Variants in SLC9A7 observed in about 807,000 individuals in gnomAD.
SLC9A7 encodes the protein sodium/hydrogen exchanger 7.
Under a neutral mutation model 52.6 loss-of-function variants are expected in SLC9A7, and 19 were observed. The ratio of observed to expected loss-of-function variants is 0.36; its 90% CI spans 0.25 to 0.53. The LOEUF is 0.53. Ranked by LOEUF, SLC9A7 falls within the 20% of genes least tolerant of loss-of-function variation. The pLI is 0.91. For synonymous variants in SLC9A7, 226 were observed against 252.1 expected (o/e 0.90, Z 0.98); for missense variants, 455 against 597.9 (o/e 0.76, Z 2.49).
intron 2 of SLC9A7, among the ~76,000 whole-genome samples, chrX:46,681,843 T>C (rs1046141203): frequency 2.7e-5 from 3 of 112,548 alleles, no homozygotes; most frequent in Non-Finnish European, 5.6e-5. Context: ...TGAAGATTCA[T>C]TAAGCCTCTG....
chrX:46,726,382 G>A (rs1944946359), intron 1 of SLC9A7, among the ~76,000 whole-genome samples: 1 of 111,997 alleles, frequency 8.9e-6, no homozygotes, highest in Non-Finnish European at 1.9e-5. Flanking sequence ...AAGAGCCCTT[G>A]GCCCCATTCA....
intron 1 of SLC9A7, among the ~76,000 whole-genome samples, chrX:46,705,934 C>T (rs1413937941): frequency 9.1e-6 from 1 of 110,476 alleles, no homozygotes; most frequent in Non-Finnish European, 1.9e-5. Context: ...ACAAATAGAT[C>T]CCAAAATGCT....
rs1172835741 is a variant in SLC9A7 at position 46,648,632 on chromosome X, ATTCTTGT to A, written c.1462+47_1462+53del. 8 of 910,915 alleles carry A rather than the reference ATTCTTGT, an allele frequency of 8.8e-6. No individual in the cohort carries two copies. The Admixed American group carries it at 1.4e-4, about 16-fold the overall frequency. The allele number at this position is 910,915 out of a possible 1,213,427, so 75.1% of individuals were successfully genotyped here. ...ACCTTATCAATTACATTTTAATCAT[ATTCTTGT>A]TACCTGCTGAATAAAACTCATTTTC... is the stretch of plus-strand genomic sequence containing the variant. On this transcript the variant is annotated intron_variant, in intron 11 of 16. Transcript: ENST00000616978.
rs1942671602 is a variant in SLC9A7, at chrX:46,602,250, T to C, written c.*4702A>G. 1 of 111,954 alleles carries C rather than the reference T, an allele frequency of 8.9e-6. No homozygotes were observed. The highest frequency in any genetic ancestry group is 3.3e-5 in the African/African-American group (1 of 30,757). The allele number at this position is 111,954 out of a possible 1,213,427, so 9.2% of individuals were successfully genotyped here. ...TTTCGTGATCTTTTCAGCTGTACTT[T>C]ATGGAGTATGTTCTTGAGTTCTGCA... On this transcript the variant is annotated 3_prime_UTR_variant, in exon 17 of 17. Transcript: ENST00000616978.
At chrX:46,654,216 C>T (rs1171661040) in intron 7 of SLC9A7, among the ~76,000 whole-genome samples, 2 of 110,278 alleles carry the variant, frequency 1.8e-5, no homozygotes, top group African/African-American at 6.6e-5. Flanking sequence ...ATACTGAAAC[C>T]CTGTCTCTAC....
intron 15 of SLC9A7, among the ~76,000 whole-genome samples, chrX:46,615,233 G>C (rs757471512): frequency 3.6e-5 from 4 of 112,086 alleles, no homozygotes; most frequent in African/African-American, 9.7e-5. Context: ...AGTAGAGACA[G>C]GGTTTCACCA....
At chrX:46,691,860 T>C (rs1350707240) in intron 1 of SLC9A7, among the ~76,000 whole-genome samples, 2 of 111,341 alleles carry the variant, frequency 1.8e-5, no homozygotes, top group Non-Finnish European at 3.8e-5. Flanking sequence ...AAATGAGCAC[T>C]TCTACAGCAA....
intron 7 of SLC9A7, among the ~76,000 whole-genome samples, chrX:46,658,452 T>C (rs1458112860): frequency 9.1e-6 from 1 of 109,459 alleles, no homozygotes; most frequent in Non-Finnish European, 1.9e-5. Flanking sequence ...TTTGAAAGGA[T>C]CAACAAAATT....
rs888229487 is a variant in SLC9A7 at position 46,599,265 on chromosome X, CTT to C, written c.*7685_*7686del. ...AATGAGCCTAGTCATGCCAATAAAA[CTT>C]TATTTACAAAAAAAGGCAGTGGGCT... is the stretch of plus-strand genomic sequence containing the variant. On this transcript the variant is annotated 3_prime_UTR_variant, in exon 17 of 17. Transcript: ENST00000616978. 9.0e-6 allele frequency: 1 copy of C among 110,948 alleles called. No individual in the cohort carries two copies. Among genetic ancestry groups the C allele is most frequent in the African/African-American group, 3.3e-5 (1 of 30,467 alleles). 9.1% of individuals were successfully genotyped at this position (110,948 alleles called of 1,213,427 possible).
At chrX:46,682,791 T>C (rs949561352) in intron 1 of SLC9A7, among the ~76,000 whole-genome samples, 6 of 109,050 alleles carry the variant, frequency 5.5e-5, no homozygotes, top group African/African-American at 2.0e-4. Flanking sequence ...ATTATGACAC[T>C]GTGAGCACTT....
At chrX:46,732,369 T>C (rs928007071) in intron 1 of SLC9A7, among the ~76,000 whole-genome samples, 1 of 110,024 alleles carries the variant, frequency 9.1e-6, no homozygotes, top group East Asian at 2.8e-4. Flanking sequence ...CTGGCCAACA[T>C]GGTAAAACCC....
At chrX:46,618,528 T>C (rs1942989422) in intron 15 of SLC9A7, among the ~76,000 whole-genome samples, 1 of 111,660 alleles carries the variant, frequency 9.0e-6, no homozygotes, top group Non-Finnish European at 1.9e-5. Context: ...TTCTAGAAGA[T>C]AACATAGGAA....
chrX:46,697,001 G>A (rs1944457680), intron 1 of SLC9A7, among the ~76,000 whole-genome samples: 1 of 111,771 alleles, frequency 8.9e-6, no homozygotes, highest in Non-Finnish European at 1.9e-5. Context: ...CACCCCAACC[G>A]TCTTTCGCCT....
chrX:46,697,858 T>A (rs909612564), intron 1 of SLC9A7, among the ~76,000 whole-genome samples: 1 of 112,007 alleles, frequency 8.9e-6, no homozygotes, highest in African/African-American at 3.2e-5. Flanking sequence ...CGCTGAATTC[T>A]TTTTCTCAGC....
chrX:46,755,386 T>C (rs1344614322), intron 1 of SLC9A7, among the ~76,000 whole-genome samples: 1 of 110,673 alleles, frequency 9.0e-6, no homozygotes, highest in Non-Finnish European at 1.9e-5. Flanking sequence ...CTCTTCCCCT[T>C]TCCCCATTTT....
chrX:46,654,970 CTT>C, intron 7 of SLC9A7, among the ~76,000 whole-genome samples: 2 of 97,331 alleles, frequency 2.1e-5, no homozygotes, highest in African/African-American at 7.4e-5. Context: ...TTTTTTCTTT[CTT>C]TCTTTCTTTC....
chrX:46,750,401 C>G (rs928774280), intron 1 of SLC9A7, among the ~76,000 whole-genome samples: 1 of 112,355 alleles, frequency 8.9e-6, no homozygotes, highest in African/African-American at 3.2e-5. Flanking sequence ...AACTGGAGTG[C>G]ATTGCTGCAA....
At chrX:46,749,148 C>G (rs1922052083) in intron 1 of SLC9A7, among the ~76,000 whole-genome samples, 1 of 111,868 alleles carries the variant, frequency 8.9e-6, no homozygotes, top group South Asian at 3.7e-4. Context: ...CAGTGTGAAG[C>G]TGAGGCATAA....
chrX:46,671,138 A>G (rs1014635919), intron 4 of SLC9A7, among the ~76,000 whole-genome samples: 2 of 112,239 alleles, frequency 1.8e-5, no homozygotes, highest in Non-Finnish European at 3.8e-5. Flanking sequence ...AACTTTATTC[A>G]GATTTTCTTA....
Sources: gnomAD v4.1 joint callset for allele counts (sites outside exome capture counted in the v4.1 genomes callset) on GRCh38, gnomAD v4.1.1 for gene constraint, MANE v1.5 for transcripts, NCBI Gene and HGNC (gene_info 2026-07-23, HGNC 2026-07-21) for gene names.